The following DVL2 variants were observed in gnomAD, a reference collection of about 807,000 sequenced individuals.
DVL2 encodes dishevelled segment polarity protein 2.
DVL2 carries 38 observed loss-of-function variants against 69.8 expected under a neutral mutation model. The ratio of observed to expected loss-of-function variants is 0.54; its 90% CI spans 0.42 to 0.71. The LOEUF (loss-of-function observed/expected upper bound fraction) is 0.71, where lower values mean the gene tolerates loss of function less well. Ranked by LOEUF, DVL2 falls within the 30% of genes least tolerant of loss-of-function variation. The pLI, the probability that DVL2 is intolerant of heterozygous loss-of-function variation, is 0.00. For missense variants in DVL2, 931 were observed against 1,008.1 expected, an observed-to-expected ratio of 0.92 and a Z score of 1.04; for synonymous variants, 428 against 392.4, an observed-to-expected ratio of 1.09 and a Z score of -1.07.
chr17:7,230,001 T>C (rs754207846), intron 4 of DVL2, 45 bp downstream of exon 4: 5 of 1,611,476 alleles, frequency 3.1e-6, no homozygotes, highest in Middle Eastern at 3.3e-4. Context: ...CCACCAAGGC[T>C]GGGGTCTGGC....
rs748188334 is a variant in DVL2 at position 7,230,297 on chromosome 17, G to C, written c.398C>G (p.Pro133Arg). ...CTGAAGGACTCACTGGAAGGATGGAGGCCTTGAGTCCCCAATGCCGCTGGT... is the reference window on the plus strand; with the variant it reads ...CTGAAGGACTCACTGGAAGGATGGACGCCTTGAGTCCCCAATGCCGCTGGT... The part of the protein sequence containing the change: ...ERTSGIGDSR[P>R]PSFHPNVSSS... Residue 133 changes from proline (P) to arginine (R), a missense_variant, in exon 3 of 15, where the codon CCT becomes CGT. Pro to Arg is a moderately radical substitution (Grantham distance 103). Coordinates refer to ENST00000005340, the MANE Select transcript of DVL2 (RefSeq NM_004422.3). 1.2e-6 allele frequency: 2 copies of C among 1,614,134 alleles called. No homozygotes were observed. Among genetic ancestry groups the C allele is most frequent in the Admixed American group, 3.3e-5 (2 of 60,008 alleles).
intron 3 of DVL2, 22 bp downstream of exon 3, chr17:7,230,263 G>T: frequency 6.2e-7 from 1 of 1,613,998 alleles, no homozygotes; most frequent in Non-Finnish European, 8.5e-7. Flanking sequence ...CTCCCCTGCA[G>T]TCAAGAATCT....
chr17:7,229,174 C>A lies in DVL2; in HGVS notation c.918G>T (p.Ala306=). ...IGSIMKGGAV[A]ADGRIEPGDM... is the part of the protein sequence containing the mutation. Reference sequence around the variant, plus strand: ...CCCCTGGCTCAATGCGCCCGTCGGCCGCCACAGCCCCACCCTTCATGATGG... The same window carrying A: ...CCCCTGGCTCAATGCGCCCGTCGGCAGCCACAGCCCCACCCTTCATGATGG... The change falls in exon 8 of 15, where the codon GCG becomes GCT. Residue 306 remains alanine (A), a synonymous_variant. Transcript: ENST00000005340. The surrounding 1 kb of genome is among the most constrained non-coding windows in gnomAD (Gnocchi z 4.4). 1 of 1,614,186 alleles carries A rather than the reference C, an allele frequency of 6.2e-7. No individual in the cohort carries two copies. The highest frequency in any genetic ancestry group is 1.1e-5 in the South Asian group (1 of 91,082).
At chr17:7,234,035 G>C (rs1597556262) in intron 1 of DVL2, 34 bp downstream of exon 1, 2 of 1,609,124 alleles carry the variant, frequency 1.2e-6, no homozygotes, top group Non-Finnish European at 1.7e-6. Context: ...CTCTAGCAAA[G>C]CCCCCGCCGG....
Position 7,229,246 on chromosome 17 carries a change from A to C in DVL2, c.846T>G (p.Ile282Met). ...MEKYNFLGIS[I>M]VGQSNERGDG... ...CTCCCCGCTCATTGCTCTGGCCAACAATGGAGATACCCAGGAAGTTGTACT... is the reference window on the plus strand; with the variant it reads ...CTCCCCGCTCATTGCTCTGGCCAACCATGGAGATACCCAGGAAGTTGTACT... Residue 282 changes from isoleucine to methionine, a missense_variant, in exon 8 of 15, where the codon ATT becomes ATG. Ile to Met is a conservative substitution (Grantham distance 10). Transcript: ENST00000005340. The surrounding 1 kb of genome is among the most constrained non-coding windows in gnomAD (Gnocchi z 4.4). 6.2e-7 allele frequency: 1 copy of C among 1,614,092 alleles called. No homozygotes were observed. Among genetic ancestry groups the C allele is most frequent in the Non-Finnish European group, 8.5e-7 (1 of 1,180,004 alleles).
In DVL2 at chr17:7,229,808, C is replaced by T; in HGVS notation, c.656G>A (p.Arg219Lys). 6.2e-7 allele frequency: 1 copy of T among 1,611,326 alleles called. No homozygotes were observed. The highest frequency in any genetic ancestry group is 8.5e-7 in the Non-Finnish European group (1 of 1,178,834). Reference protein sequence around the residue: ...GDSDEEDTMSRFSSSTEQSSA... With the variant: ...GDSDEEDTMSKFSSSTEQSSA... Reference sequence around the variant, plus strand: ...TGGGGAGAGCTGTGCGGAGCCACACCTGCTCATGGTGTCCTCCTCGTCCGA... The same window carrying T: ...TGGGGAGAGCTGTGCGGAGCCACACTTGCTCATGGTGTCCTCCTCGTCCGA... The change falls in exon 5 of 15, where the codon AGG (arginine) becomes AAG (lysine). Residue 219 changes from arginine (R) to lysine (K), a missense_variant and splice_region_variant. Around this residue, in one of 3 missense-constraint regions of DVL2, gnomAD observed 555 missense variants for 588.8 expected, o/e 0.94. Coordinates refer to ENST00000005340, the MANE Select transcript of DVL2 (RefSeq NM_004422.3). This position sits in a 1 kb window ranked among gnomAD's most constrained non-coding sequence, Gnocchi z 4.4.
chr17:7,230,230 G>A (rs577744119), intron 3 of DVL2, 55 bp downstream of exon 3: 1 of 1,611,974 alleles, frequency 6.2e-7, no homozygotes, highest in East Asian at 2.2e-5. Context: ...CCTACCAAAG[G>A]CCTGGGTTCC....
Position 7,229,832 on chromosome 17 carries a change from G to A in DVL2, c.632C>T (p.Ser211Leu), listed in dbSNP as rs746705349. 8 of 1,612,276 alleles carry A rather than the reference G, an allele frequency of 5.0e-6. No individual in the cohort carries two copies. Among genetic ancestry groups the A allele is most frequent in the East Asian group, 2.2e-5 (1 of 44,872 alleles). Residue 211 changes from serine to leucine, a missense_variant, in exon 5 of 15, where the codon TCG (serine) becomes TTG (leucine). Ser to Leu is a moderately radical substitution (Grantham distance 145). Transcript: ENST00000005340. The surrounding 1 kb of genome is among the most constrained non-coding windows in gnomAD (Gnocchi z 4.4). The part of the protein sequence containing the change: ...SELESTSLGD[S>L]DEEDTMSRFS... The stretch of plus-strand genomic sequence containing the variant: ...CCTGCTCATGGTGTCCTCCTCGTCC[G>A]AGTCCCCCAGGCTGGTACTCTCCAG...
At position 7,229,473 on chromosome 17, in the gene DVL2, G is replaced by A. The variant is rs2071508116; in HGVS notation, c.748-26C>T. 3 of 1,613,762 alleles carry A rather than the reference G, an allele frequency of 1.9e-6. No homozygotes were observed. The highest frequency in any genetic ancestry group is 2.5e-6 in the Non-Finnish European group (3 of 1,179,788). On this transcript the variant is annotated intron_variant, in intron 6 of 14. Transcript: ENST00000005340. This position sits in a 1 kb window ranked among gnomAD's most constrained non-coding sequence, Gnocchi z 4.4. ...CTGTGGTGGGAAAAGGAGCCAGAGT[G>A]CCCTTCAATAACCCAGGGTCAACCC... is the stretch of plus-strand genomic sequence containing the variant.
intron 1 of DVL2, among the ~76,000 whole-genome samples, chr17:7,231,373 G>A (rs750566079): frequency 4.7e-5 from 7 of 150,512 alleles, no homozygotes; most frequent in Non-Finnish European, 8.8e-5. Flanking sequence ...TGAGATGGGA[G>A]AGTCGCTTGA....
intron 2 of DVL2, 56 bp from the exon 3 acceptor site, chr17:7,230,486 T>C (rs1597550958): frequency 3.1e-6 from 5 of 1,596,938 alleles, no homozygotes; most frequent in Non-Finnish European, 4.3e-6. Context: ...GTGTGACAGG[T>C]GGCAGTAAGT....
Position 7,226,652 on chromosome 17 carries a change from GGAA to G in DVL2, c.1544-16_1544-14del. ...AGGTTGACTAGGTCTGGAAAGCAAG[GGAA>G]GAGAGGAAGAAATCACTGCTTCAAG... On this transcript the variant is annotated splice_polypyrimidine_tract_variant and intron_variant, in intron 13 of 14. Transcript: ENST00000005340. 6.6e-6 allele frequency: 10 copies of G among 1,517,432 alleles called. No homozygotes were observed. Among genetic ancestry groups the G allele is most frequent in the Non-Finnish European group, 8.8e-6 (10 of 1,134,332 alleles). The allele number at this position is 1,517,432 out of a possible 1,614,324, so 94.0% of individuals were successfully genotyped here.
At position 7,229,014 on chromosome 17, in the gene DVL2, T is replaced by C. The variant is rs1420455300; in HGVS notation, c.989A>G (p.Asn330Ser). Residue 330 changes from asparagine to serine, a missense_variant, in exon 9 of 15, where the codon AAC (asparagine) becomes AGC (serine). Coordinates refer to ENST00000005340, the MANE Select transcript of DVL2 (RefSeq NM_004422.3). The surrounding 1 kb of genome is among the most constrained non-coding windows in gnomAD (Gnocchi z 4.4). Reference sequence around the variant, plus strand: ...CCTCAGCACCCGCACAGCGTCATCGTTGCTCATGTTCTCAAAGTTCATGTC... The same window carrying C: ...CCTCAGCACCCGCACAGCGTCATCGCTGCTCATGTTCTCAAAGTTCATGTC... ...VNDMNFENMS[N>S]DDAVRVLRDI... 1 of 1,614,066 alleles carries C rather than the reference T, an allele frequency of 6.2e-7. No homozygotes were observed. Among genetic ancestry groups the C allele is most frequent in the African/African-American group, 1.3e-5 (1 of 74,912 alleles).
chr17:7,229,031 G>T lies in DVL2; in HGVS notation c.972C>A (p.Asn324Lys), dbSNP rs768146653. 1.2e-6 allele frequency: 2 copies of T among 1,614,148 alleles called. No homozygotes were observed. Among genetic ancestry groups the T allele is most frequent in the Non-Finnish European group, 1.7e-6 (2 of 1,180,028 alleles). Residue 324 changes from asparagine to lysine, a missense_variant, in exon 9 of 15, where the codon AAC becomes AAA. By Grantham distance (94) the Asn-to-Lys change is moderately conservative. Transcript: ENST00000005340. This position sits in a 1 kb window ranked among gnomAD's most constrained non-coding sequence, Gnocchi z 4.4. ...CGTCATCGTTGCTCATGTTCTCAAA[G>T]TTCATGTCATTCACCTGGAAGCGAC... ...GDMLLQVNDM[N>K]FENMSNDDAV...
intron 13 of DVL2, 104 bp from the exon 14 acceptor site, chr17:7,226,743 C>T (rs762608292): frequency 6.7e-6 from 6 of 898,292 alleles, no homozygotes; most frequent in African/African-American, 1.7e-5. Context: ...GACCCACCCA[C>T]GATGGGGCTC....
Position 7,225,993 on chromosome 17 carries a change from C to T in DVL2, c.2083G>A (p.Ala695Thr). The T allele has an allele frequency of 6.2e-7, 1 of 1,613,362 alleles. No individual in the cohort carries two copies. Among genetic ancestry groups the T allele is most frequent in the Non-Finnish European group, 8.5e-7 (1 of 1,179,798 alleles). The change falls in exon 15 of 15, where the codon GCA (alanine) becomes ACA (threonine). Residue 695 changes from alanine (A) to threonine (T), a missense_variant. Coordinates refer to ENST00000005340, the MANE Select transcript of DVL2 (RefSeq NM_004422.3). ...MPPPPPPVPP[A>T]VQPPGAPPVR... Reference sequence around the variant, plus strand: ...GGAGGGGCCCCCGGAGGCTGCACTGCTGGAGGGACTGGAGGTGGAGGTGGG... The same window carrying T: ...GGAGGGGCCCCCGGAGGCTGCACTGTTGGAGGGACTGGAGGTGGAGGTGGG...
chr17:7,226,412 A>G lies in DVL2; in HGVS notation c.1762+9T>C. On this transcript the variant is annotated intron_variant, in intron 14 of 14. Coordinates refer to ENST00000005340, the MANE Select transcript of DVL2 (RefSeq NM_004422.3). ...ATCCTGGCCGTACAGGTATGTGGGGATGACTTACCCTCACTATGCTGGCTG... is the reference window on the plus strand; with the variant it reads ...ATCCTGGCCGTACAGGTATGTGGGGGTGACTTACCCTCACTATGCTGGCTG... The G allele has an allele frequency of 3.3e-6, 5 of 1,529,634 alleles. No homozygotes were observed. Among genetic ancestry groups the G allele is most frequent in the Non-Finnish European group, 3.5e-6 (4 of 1,139,452 alleles). 94.8% of individuals were successfully genotyped at this position (1,529,634 alleles called of 1,614,324 possible).
chr17:7,228,441 G>A (rs560258905), intron 9 of DVL2: 107 of 183,360 alleles, frequency 5.8e-4, no homozygotes, highest in African/African-American at 2.2e-3. Flanking sequence ...TTGGGAGCAG[G>A]AAGGGACATC....
At position 7,226,570 on chromosome 17, in the gene DVL2, G is replaced by A. The variant is rs1448139578; in HGVS notation, c.1613C>T (p.Pro538Leu). 3 of 1,608,208 alleles carry A rather than the reference G, an allele frequency of 1.9e-6. No individual in the cohort carries two copies. The highest frequency in any genetic ancestry group is 2.5e-6 in the Non-Finnish European group (3 of 1,177,666). ...SGASDQDTLAPLPGATPWPLL... is the reference protein window; with the variant it reads ...SGASDQDTLALLPGATPWPLL... ...GGGCCAGGGGGTGGCCCCAGGCAGA[G>A]GAGCCAGGGTATCCTGGTCTGAAGC... The change falls in exon 14 of 15, where the codon CCT (proline) becomes CTT (leucine). Residue 538 changes from proline to leucine, a missense_variant. Pro to Leu is a moderately conservative substitution (Grantham distance 98). Transcript: ENST00000005340.
Sources: allele counts gnomAD v4.1 joint callset (sites outside exome capture counted in the v4.1 genomes callset), GRCh38; gene constraint gnomAD v4.1.1; regional missense constraint gnomAD v4.1.1; non-coding constraint Gnocchi (gnomAD v3.1); transcripts MANE v1.5; gene names NCBI Gene and HGNC (gene_info 2026-07-23, HGNC 2026-07-21).